Variants in CDH18 observed in about 807,000 individuals in gnomAD.
The protein encoded by CDH18 is cadherin-18.
In CDH18, 31 loss-of-function variants were observed where a neutral mutation model predicts 67.9. The ratio of observed to expected loss-of-function variants is 0.46; its 90% CI spans 0.34 to 0.62. CDH18 has a LOEUF of 0.62. Among genes scored for constraint, CDH18 ranks in the 20% least tolerant of loss-of-function variants. CDH18 has a pLI of 0.01. For missense variants in CDH18, 890 were observed against 975.5 expected, an observed-to-expected ratio of 0.91 and a Z score of 1.17; for synonymous variants, 362 against 347.2, an observed-to-expected ratio of 1.04 and a Z score of -0.48.
chr5:19,554,370 C>T (rs1738006234), intron 8 of CDH18, among the ~76,000 whole-genome samples: 1 of 151,940 alleles, frequency 6.6e-6, no homozygotes, highest in Non-Finnish European at 1.5e-5. Flanking sequence ...ACCAACATGG[C>T]CAAACTCTGT....
chr5:19,849,278 G>A (rs544352188), intron 2 of CDH18, among the ~76,000 whole-genome samples: 85 of 152,068 alleles, frequency 5.6e-4, no homozygotes, highest in African/African-American at 2.0e-3. Context: ...ACAAGATCAT[G>A]TTGGCAGAGA....
chr5:19,928,834 T>C (rs1376586765), intron 2 of CDH18, among the ~76,000 whole-genome samples: 2 of 152,106 alleles, frequency 1.3e-5, no homozygotes, highest in African/African-American at 2.4e-5. Context: ...TTCACATATG[T>C]TATCTTATTT....
At chr5:20,501,554 A>ATT (rs1561069076) in intron 1 of CDH18, among the ~76,000 whole-genome samples, 1 of 26,678 alleles carries the variant, frequency 3.7e-5, no homozygotes, top group African/African-American at 1.1e-4. Flanking sequence ...TATTATATAT[A>ATT]TAATATATAT....
At chr5:19,816,757 A>C (rs1008705285) in intron 3 of CDH18, among the ~76,000 whole-genome samples, 2 of 151,870 alleles carry the variant, frequency 1.3e-5, no homozygotes, top group African/African-American at 4.8e-5. Flanking sequence ...GTTAAACCGA[A>C]GATAAAAAGG....
chr5:19,849,499 C>A (rs1783397378), intron 2 of CDH18, among the ~76,000 whole-genome samples: 1 of 151,550 alleles, frequency 6.6e-6, no homozygotes, highest in East Asian at 1.9e-4. Context: ...TTTATTCATA[C>A]AATACCCAGA....
chr5:20,335,308 C>T (rs564509074), intron 1 of CDH18, among the ~76,000 whole-genome samples: 2 of 152,308 alleles, frequency 1.3e-5, no homozygotes, highest in South Asian at 2.1e-4. Flanking sequence ...CACATATTCA[C>T]ACAGTTAATT....
At chr5:19,693,484 C>T (rs1030474187) in intron 5 of CDH18, among the ~76,000 whole-genome samples, 5 of 152,192 alleles carry the variant, frequency 3.3e-5, no homozygotes, top group Non-Finnish European at 7.3e-5. Context: ...ACCTGCTCCA[C>T]TCTTCATATA....
rs141227649 is a variant in CDH18 at position 20,511,843 on chromosome 5, GT to G, written c.-580+63618del. 4.3e-4 allele frequency among the ~76,000 whole-genome samples: 66 copies of G among 152,196 alleles called. No homozygotes were observed. In the East Asian group the frequency reaches 0.011, roughly 26 times the overall value. On this transcript the variant is annotated intron_variant, in intron 1 of 14. Coordinates refer to the CDH18 transcript ENST00000507958. Reference sequence around the variant, plus strand: ...TTGTTTCAAACTTTTGGTTTTATTTGTTGGTGAGTTTGTTTTTACTTTGATT... The same window carrying G: ...TTGTTTCAAACTTTTGGTTTTATTTGTGGTGAGTTTGTTTTTACTTTGATT...
intron 1 of CDH18, among the ~76,000 whole-genome samples, chr5:20,261,372 A>G (rs1420165331): frequency 6.6e-6 from 1 of 152,186 alleles, no homozygotes; most frequent in East Asian, 1.9e-4. Context: ...TTTATAGCCT[A>G]TTTGTATGAG....
At chr5:20,247,999 T>C (rs1743517483) in intron 2 of CDH18, among the ~76,000 whole-genome samples, 1 of 152,192 alleles carries the variant, frequency 6.6e-6, no homozygotes, top group African/African-American at 2.4e-5. Context: ...CACATTTTTC[T>C]AATAAATAAT....
rs999334614 is a variant in CDH18, at chr5:19,811,132, A to G, written c.228+27627T>C. ...AAAGAAAGAAAGAAAGAAAGAAAGAAAGAAAGAAAGAAAGAAAGAAAGAAA... is the reference window on the plus strand; with the variant it reads ...AAAGAAAGAAAGAAAGAAAGAAAGAGAGAAAGAAAGAAAGAAAGAAAGAAA... On this transcript the variant is annotated intron_variant, in intron 3 of 12. Coordinates refer to ENST00000382275, the MANE Select transcript of CDH18 (RefSeq NM_004934.5). Among the ~76,000 whole-genome samples, 35 of 128,166 alleles carry G rather than the reference A, an allele frequency of 2.7e-4. 1 individual carries two copies. Among genetic ancestry groups the G allele is most frequent in the African/African-American group, 8.4e-4 (28 of 33,196 alleles). The allele number at this position is 128,166 out of a possible 152,430, so 84.1% of individuals were successfully genotyped here.
chr5:20,299,145 C>G (rs1747761005), intron 1 of CDH18, among the ~76,000 whole-genome samples: 1 of 152,000 alleles, frequency 6.6e-6, no homozygotes, highest in South Asian at 2.1e-4. Flanking sequence ...AAATGAGTCA[C>G]AATAACCTCT....
chr5:19,962,084 TAG>T (rs1796959897), intron 2 of CDH18, among the ~76,000 whole-genome samples: 1 of 151,948 alleles, frequency 6.6e-6, no homozygotes, highest in Non-Finnish European at 1.5e-5. Flanking sequence ...TTTGAAGAAA[TAG>T]AGTTTTAATT....
intron 1 of CDH18, among the ~76,000 whole-genome samples, chr5:20,350,258 C>T (rs1741057586): frequency 6.6e-6 from 1 of 151,922 alleles, no homozygotes; most frequent in Non-Finnish European, 1.5e-5. Flanking sequence ...TTGATATACA[C>T]AATGGAAAAC....
rs183092203 is a variant in CDH18, at chr5:20,218,118, A to C, written c.-518+37326T>G. Among the ~76,000 whole-genome samples, 274 of 152,060 alleles carry C rather than the reference A, an allele frequency of 1.8e-3. 1 individual carries two copies. Among genetic ancestry groups the C allele is most frequent in the Middle Eastern group, 0.014 (4 of 294 alleles). Reference sequence around the variant, plus strand: ...AGCATTGAACAGGTCATCTAGATAGAAAATCAACAAAGAAACATTGGACAT... The same window carrying C: ...AGCATTGAACAGGTCATCTAGATAGCAAATCAACAAAGAAACATTGGACAT... On this transcript the variant is annotated intron_variant, in intron 2 of 14. Transcript: ENST00000507958.
intron 5 of CDH18, among the ~76,000 whole-genome samples, chr5:19,665,313 G>T (rs2150327016): frequency 6.6e-6 from 1 of 151,924 alleles, no homozygotes; most frequent in East Asian, 1.9e-4. Flanking sequence ...AGAATAATTG[G>T]GAATAAGTTG....
intron 5 of CDH18, among the ~76,000 whole-genome samples, chr5:19,682,569 TTTG>T (rs998636843): frequency 5.3e-5 from 8 of 152,018 alleles, no homozygotes; most frequent in East Asian, 3.9e-4. Context: ...CCAGTCAATT[TTTG>T]TTGTTGTTTC....
intron 2 of CDH18, among the ~76,000 whole-genome samples, chr5:19,909,700 A>C (rs1790920492): frequency 6.6e-6 from 1 of 152,152 alleles, no homozygotes. Flanking sequence ...GGCAAAAAAA[A>C]AAATCTATAC....
intron 5 of CDH18, among the ~76,000 whole-genome samples, chr5:19,711,049 A>G (rs1764638364): frequency 6.6e-6 from 1 of 152,124 alleles, no homozygotes; most frequent in Non-Finnish European, 1.5e-5. Context: ...GGATTGTCAT[A>G]TGCAGAAGAA....
Sources: gnomAD v4.1 joint callset for allele counts (sites outside exome capture counted in the v4.1 genomes callset) on GRCh38, gnomAD v4.1.1 for gene constraint, MANE v1.5 for transcripts, NCBI Gene and HGNC (gene_info 2026-07-23, HGNC 2026-07-21) for gene names.